TP63: variants seen among roughly 807,000 people sequenced by gnomAD.
TP63 encodes the protein tumor protein 63.
Under a neutral mutation model 82.8 loss-of-function variants are expected in TP63, and 17 were observed. The ratio of observed to expected loss-of-function variants is 0.21; its 90% CI spans 0.14 to 0.31. TP63 has a LOEUF of 0.31. TP63 is among the 10% of genes least tolerant of loss of function. The pLI is 1.00. For missense variants in TP63, 648 were observed against 895.3 expected (o/e 0.72, Z 3.52); for synonymous variants, 330 against 321.7 (o/e 1.03, Z -0.28).
chr3:189,629,677 A>G (rs1344909578), upstream of TP63, among the ~76,000 whole-genome samples: 1 of 152,160 alleles, frequency 6.6e-6, no homozygotes, highest in Non-Finnish European at 1.5e-5. Flanking sequence ...CCCCAGACCT[A>G]CTGAACCAGA....
intron 5 of TP63, among the ~76,000 whole-genome samples, chr3:189,865,735 C>T (rs1717646287): frequency 6.6e-6 from 1 of 152,234 alleles, no homozygotes; most frequent in African/African-American, 2.4e-5. Context: ...CACATGGCCA[C>T]ATTATCCGTA....
At position 189,864,333 on chromosome 3, in the gene TP63, C is replaced by T. The variant is rs1717421999; in HGVS notation, c.681C>T (p.Ala227=). ...TPPPQGAVIR[A]MPVYKKAEHV... The stretch of plus-strand genomic sequence containing the variant: ...CTCCTCAGGGAGCTGTTATCCGCGC[C>T]ATGCCTGTCTACAAAAAAGCTGAGC... Residue 227 remains alanine (A), a synonymous_variant, in exon 5 of 14, where the codon GCC becomes GCT. Transcript: ENST00000264731. 6.2e-7 allele frequency: 1 copy of T among 1,614,058 alleles called. No individual in the cohort carries two copies. The highest frequency in any genetic ancestry group is 1.3e-5 in the African/African-American group (1 of 74,936).
At chr3:189,796,268 A>G (rs953929883) in intron 3 of TP63, among the ~76,000 whole-genome samples, 2 of 152,056 alleles carry the variant, frequency 1.3e-5, no homozygotes, top group African/African-American at 4.8e-5. Context: ...ACAAGGATAC[A>G]TGTGTAAGAT....
chr3:189,724,891 G>A (rs1719658034), intron 1 of TP63, among the ~76,000 whole-genome samples: 1 of 152,182 alleles, frequency 6.6e-6, no homozygotes, highest in Non-Finnish European at 1.5e-5. Flanking sequence ...GGGTACGGGA[G>A]AGACTAACAA....
In TP63 at chr3:189,694,601, C is replaced by T. The variant is rs546584843; in HGVS notation, c.63-43139C>T. Among the ~76,000 whole-genome samples the T allele has an allele frequency of 7.2e-5, 11 of 151,870 alleles. 1 individual carries two copies. The South Asian group carries it at 2.1e-3, about 29-fold the overall frequency. ...GTTTATGTTCTTTGGGGAGGAAGACCATGCAGGTAAAGTGCCATTTTCAAC... is the reference window on the plus strand; with the variant it reads ...GTTTATGTTCTTTGGGGAGGAAGACTATGCAGGTAAAGTGCCATTTTCAAC... On this transcript the variant is annotated intron_variant, in intron 1 of 13. Coordinates refer to ENST00000264731, the MANE Select transcript of TP63 (RefSeq NM_003722.5).
upstream of TP63, among the ~76,000 whole-genome samples, chr3:189,628,716 A>G (rs1249595255): frequency 1.3e-5 from 2 of 152,288 alleles, no homozygotes; most frequent in African/African-American, 2.4e-5. Context: ...GATATAATTC[A>G]TGCATTTGTA....
chr3:189,810,072 A>C (rs1006354653), intron 4 of TP63, among the ~76,000 whole-genome samples: 2 of 152,304 alleles, frequency 1.3e-5, no homozygotes, highest in Admixed American at 1.3e-4. Context: ...CCGGTGGCTC[A>C]TATTTCAACT....
chr3:189,858,217 AAC>A (rs1716544159), intron 4 of TP63, among the ~76,000 whole-genome samples: 1 of 23,716 alleles, frequency 4.2e-5, no homozygotes, highest in African/African-American at 2.6e-4. Context: ...CATCCTGGCT[AAC>A]ACGGTGAAAC....
At chr3:189,827,414 T>C (rs1711587773) in intron 4 of TP63, among the ~76,000 whole-genome samples, 1 of 152,124 alleles carries the variant, frequency 6.6e-6, no homozygotes, top group Non-Finnish European at 1.5e-5. Flanking sequence ...GCTTTGACCT[T>C]TCATCTCTGG....
chr3:189,624,468 A>G, the TP63 span, among the ~76,000 whole-genome samples: 1 of 152,162 alleles, frequency 6.6e-6, no homozygotes, highest in Non-Finnish European at 1.5e-5. Context: ...TATACTCATA[A>G]AATCATAGAC....
intron 11 of TP63, among the ~76,000 whole-genome samples, chr3:189,888,682 G>A (rs6778053): frequency 0.012 from 1,807 of 152,276 alleles, 34 homozygotes; most frequent in African/African-American, 0.042. Context: ...CTCTATCAGT[G>A]AGTGTTTACA....
At chr3:189,875,604 A>G (rs1233623045) in intron 10 of TP63, among the ~76,000 whole-genome samples, 5 of 53,134 alleles carry the variant, frequency 9.4e-5, no homozygotes, top group African/African-American at 3.3e-4. Context: ...ATATATATAT[A>G]TATATATATA....
intron 4 of TP63, among the ~76,000 whole-genome samples, chr3:189,816,854 C>T (rs36125575): frequency 0.57 from 85,979 of 151,252 alleles, 25,326 homozygotes; most frequent in Admixed American, 0.7. Flanking sequence ...TATCATTAAG[C>T]CCCCCACGTG....
chr3:189,726,853 G>C (rs897094793), intron 1 of TP63, among the ~76,000 whole-genome samples: 6 of 152,172 alleles, frequency 3.9e-5, no homozygotes, highest in African/African-American at 1.2e-4. Context: ...AATCTTTAAA[G>C]GTCTTTTATG....
chr3:189,837,431 A>G (rs1414638578), intron 4 of TP63, among the ~76,000 whole-genome samples: 2 of 80,546 alleles, frequency 2.5e-5, no homozygotes, highest in African/African-American at 4.2e-5. Context: ...TTCCAATTTC[A>G]GGTTCCAAAA....
At chr3:189,859,139 G>T (rs1286659541) in intron 4 of TP63, among the ~76,000 whole-genome samples, 1 of 152,090 alleles carries the variant, frequency 6.6e-6, no homozygotes, top group African/African-American at 2.4e-5. Context: ...TTACTACAAA[G>T]AAATGATAAA....
At chr3:189,848,290 A>G (rs541356200) in intron 4 of TP63, among the ~76,000 whole-genome samples, 2 of 96,414 alleles carry the variant, frequency 2.1e-5, no homozygotes, top group African/African-American at 7.5e-5. Context: ...GCTGGAGTGC[A>G]CTGGTCTGAG....
intron 3 of TP63, among the ~76,000 whole-genome samples, chr3:189,767,285 AG>A (rs1243185973): frequency 6.6e-6 from 1 of 152,138 alleles, no homozygotes; most frequent in Non-Finnish European, 1.5e-5. Flanking sequence ...TCTACATGAA[AG>A]AAAAAAAAAC....
At chr3:189,760,436 A>G (rs1722482822) in intron 3 of TP63, among the ~76,000 whole-genome samples, 1 of 152,248 alleles carries the variant, frequency 6.6e-6, no homozygotes, top group Non-Finnish European at 1.5e-5. Flanking sequence ...ATGTAAGTCC[A>G]AAATCCAGTG....
Sources: allele counts gnomAD v4.1 joint callset (sites outside exome capture counted in the v4.1 genomes callset), GRCh38; gene constraint gnomAD v4.1.1; transcripts MANE v1.5; gene names NCBI Gene and HGNC (gene_info 2026-07-23, HGNC 2026-07-21).